Variants in NRXN2 observed in about 807,000 individuals in gnomAD.
The protein encoded by NRXN2 is neurexin 2, also known as neurexin-2-beta.
A neutral mutation model predicts 128.8 loss-of-function variants in NRXN2; 29 were observed. The observed-to-expected ratio is 0.23, with a 90% CI of 0.17 to 0.31. NRXN2 has a LOEUF of 0.31. NRXN2 is among the 10% of genes least tolerant of loss of function. The probability of loss-of-function intolerance (pLI) is 1.00; values close to 1 mark genes in which losing one functional copy is unlikely to be tolerated. For missense variants in NRXN2, 1,881 were observed against 2,452.6 expected (o/e 0.77, Z 4.92); for synonymous variants, 1,098 against 1,075.2 (o/e 1.02, Z -0.41).
rs188486646 is a variant in NRXN2, at chr11:64,645,933, G to T, written c.3403+2286C>A. Among the ~76,000 whole-genome samples the T allele has an allele frequency of 5.9e-3, 891 of 152,282 alleles. 3 individuals carry two copies. The highest frequency in any genetic ancestry group is 9.5e-3 in the Non-Finnish European group (647 of 68,018). Reference sequence around the variant, plus strand: ...CGGGTGAAGGCAGAGCTAACTGAACGGGTCTCTCTGCTGGGTTCCTGCCTG... The same window carrying T: ...CGGGTGAAGGCAGAGCTAACTGAACTGGTCTCTCTGCTGGGTTCCTGCCTG... On this transcript the variant is annotated intron_variant, in intron 17 of 22. Transcript: ENST00000265459.
intron 21 of NRXN2, 75 bp from the exon 22 acceptor site, chr11:64,620,447 T>C: frequency 2.5e-6 from 3 of 1,186,768 alleles, no homozygotes; most frequent in Non-Finnish European, 3.7e-6. Flanking sequence ...CCACTTGAGG[T>C]GCACGGTGGC....
rs767815158 is a variant in NRXN2 at position 64,607,738 on chromosome 11, C to T, written c.4597G>A (p.Ala1533Thr). Reference sequence around the variant, plus strand: ...TCTGTCCTGAGGTTGGGCCGGGGAGCGGGTTTGCGGGGTGACAGGAGGGTG... The same window carrying T: ...TCTGTCCTGAGGTTGGGCCGGGGAGTGGGTTTGCGGGGTGACAGGAGGGTG... ...RTTLLSPRKP[A>T]PRPNLRTDGA... The change falls in exon 23 of 23, where the codon GCT becomes ACT. Residue 1533 changes from alanine to threonine, a missense_variant. Ala to Thr is a moderately conservative substitution (Grantham distance 58). Transcript: ENST00000265459. 3.8e-6 allele frequency: 6 copies of T among 1,572,468 alleles called. No homozygotes were observed. The highest frequency in any genetic ancestry group is 1.7e-4 in the Middle Eastern group (1 of 6,012).
In NRXN2 at chr11:64,713,103, G is replaced by T; in HGVS notation, c.597C>A (p.Gly199=). 2 of 1,335,608 alleles carry T rather than the reference G, an allele frequency of 1.5e-6. No individual in the cohort carries two copies. Among genetic ancestry groups the T allele is most frequent in the South Asian group, 2.0e-5 (1 of 49,898 alleles). 82.7% of individuals were successfully genotyped at this position (1,335,608 alleles called of 1,614,324 possible). A position where few individuals can be genotyped will look rare whatever the true frequency, so the allele number is the denominator to read the frequency against. ...PALLGSQGLR[G]ATADPLCAPA... is the part of the protein sequence containing the mutation. Reference sequence around the variant, plus strand: ...GCGCGCACAGCGGGTCGGCGGTGGCGCCGCGCAGGCCCTGGCTGCCCAGCA... The same window carrying T: ...GCGCGCACAGCGGGTCGGCGGTGGCTCCGCGCAGGCCCTGGCTGCCCAGCA... Residue 199 remains glycine (G), a synonymous_variant, in exon 2 of 23, where the codon GGC becomes GGA. Coordinates refer to ENST00000265459, the MANE Select transcript of NRXN2 (RefSeq NM_015080.4).
At chr11:64,636,787 A>G (rs2044783822) in intron 17 of NRXN2, among the ~76,000 whole-genome samples, 1 of 151,844 alleles carries the variant, frequency 6.6e-6, no homozygotes, top group Admixed American at 6.5e-5. Flanking sequence ...AGGCCTTGCC[A>G]GCAGCCAAGG....
chr11:64,653,604 G>T, intron 12 of NRXN2, 92 bp downstream of exon 12: 1 of 1,272,450 alleles, frequency 7.9e-7, no homozygotes, highest in East Asian at 2.4e-5. Flanking sequence ...AGCAATCACG[G>T]CTTCTCTTCC....
chr11:64,705,488 C>G (rs907282840), intron 2 of NRXN2, among the ~76,000 whole-genome samples: 1 of 151,914 alleles, frequency 6.6e-6, no homozygotes, highest in Non-Finnish European at 1.5e-5. Flanking sequence ...GTTCCAATTG[C>G]TCCTTTGCTG....
intron 6 of NRXN2, among the ~76,000 whole-genome samples, chr11:64,682,790 TA>T (rs1391500498): frequency 6.6e-6 from 1 of 151,924 alleles, no homozygotes; most frequent in Non-Finnish European, 1.5e-5. Context: ...TCCTCAGAGG[TA>T]ATAATTCCTG....
intron 2 of NRXN2, among the ~76,000 whole-genome samples, chr11:64,699,751 G>C (rs531215081): frequency 6.6e-6 from 1 of 152,170 alleles, no homozygotes; most frequent in Admixed American, 6.5e-5. Context: ...TTTCATTTAT[G>C]GGGGGAGCTG....
In NRXN2 at chr11:64,648,218, C is replaced by T. The variant is rs371554113; in HGVS notation, c.3403+1G>A. ...TGCCCCCAGCCCTCCCAGGCACTCA[C>T]GATCATTGCAGACAGGGCCTCCATA... On this transcript the variant is annotated splice_donor_variant, in intron 17 of 22. Coordinates refer to ENST00000265459, the MANE Select transcript of NRXN2 (RefSeq NM_015080.4). LOFTEE classifies it high-confidence loss of function. The surrounding 1 kb of genome is among the most constrained non-coding windows in gnomAD (Gnocchi z 4.1). 5 of 1,614,048 alleles carry T rather than the reference C, an allele frequency of 3.1e-6. No individual in the cohort carries two copies. The highest frequency in any genetic ancestry group is 4.2e-6 in the Non-Finnish European group (5 of 1,180,032).
intron 17 of NRXN2, among the ~76,000 whole-genome samples, chr11:64,637,642 G>C (rs576439843): frequency 9.9e-5 from 15 of 152,200 alleles, no homozygotes; most frequent in African/African-American, 3.1e-4. Context: ...TCACCTTCCT[G>C]ATCAGAGGCT....
rs370459967 is a variant in NRXN2, at chr11:64,663,402, A to C, written c.1799-2263T>G. On this transcript the variant is annotated intron_variant, in intron 9 of 22. Coordinates refer to ENST00000265459, the MANE Select transcript of NRXN2 (RefSeq NM_015080.4). ...AAAAAAAAAAAAAAACCTCACCTGA[A>C]CCAGAGCTGTGCCCTCTTTTAGTAA... Among the ~76,000 whole-genome samples, 10 of 151,906 alleles carry C rather than the reference A, an allele frequency of 6.6e-5. No homozygotes were observed. In the South Asian group the frequency reaches 2.1e-3, roughly 32 times the overall value.
chr11:64,685,146 C>G (rs369590360), intron 6 of NRXN2, among the ~76,000 whole-genome samples: 1 of 152,130 alleles, frequency 6.6e-6, no homozygotes, highest in Non-Finnish European at 1.5e-5. Flanking sequence ...ACATCCTGCC[C>G]GCACACATTA....
At position 64,651,452 on chromosome 11, in the gene NRXN2, A is replaced by G. The variant is rs373644043; in HGVS notation, c.2721T>C (p.Asn907=). 6.2e-7 allele frequency: 1 copy of G among 1,614,064 alleles called. No individual in the cohort carries two copies. Among genetic ancestry groups the G allele is most frequent in the Non-Finnish European group, 8.5e-7 (1 of 1,180,020 alleles). Residue 907 remains asparagine, a synonymous_variant, in exon 14 of 23, where the codon AAT becomes AAC. Transcript: ENST00000265459. This position sits in a 1 kb window ranked among gnomAD's most constrained non-coding sequence, Gnocchi z 5.9. ...KDGDITYCEL[N]ARFGLRAIVA... ...CGATGGCACGCAGGCCAAAGCGAGC[A>G]TTGAGCTCACAGTAGGTGATGTCAC...
chr11:64,692,965 C>A lies in NRXN2; in HGVS notation c.749-89G>T. 2.7e-6 allele frequency: 3 copies of A among 1,127,612 alleles called. No homozygotes were observed. In the South Asian group the frequency reaches 4.1e-5, roughly 15 times the overall value. The allele number at this position is 1,127,612 out of a possible 1,614,324, so 69.9% of individuals were successfully genotyped here. A position where few individuals can be genotyped will look rare whatever the true frequency, so the allele number is the denominator to read the frequency against. ...GGAAAGAAACAAAGAAAACACGAGTCATCAAAATCAGCCAGAGAGAAGGGA... is the reference window on the plus strand; with the variant it reads ...GGAAAGAAACAAAGAAAACACGAGTAATCAAAATCAGCCAGAGAGAAGGGA... On this transcript the variant is annotated intron_variant, in intron 3 of 22. Coordinates refer to ENST00000265459, the MANE Select transcript of NRXN2 (RefSeq NM_015080.4).
intron 5 of NRXN2, among the ~76,000 whole-genome samples, chr11:64,686,454 G>C (rs1356853573): frequency 6.6e-6 from 1 of 152,198 alleles, no homozygotes; most frequent in Non-Finnish European, 1.5e-5. Context: ...GACAGTTTCA[G>C]CCTCACCATA....
chr11:64,639,970 G>A (rs2045416752), intron 17 of NRXN2, among the ~76,000 whole-genome samples: 1 of 152,134 alleles, frequency 6.6e-6, no homozygotes, highest in Admixed American at 6.5e-5. Context: ...CGGGAGCAAA[G>A]GTGGGGTTCA....
At chr11:64,695,498 A>G (rs2054381199) in intron 3 of NRXN2, among the ~76,000 whole-genome samples, 4 of 152,076 alleles carry the variant, frequency 2.6e-5, no homozygotes, top group Non-Finnish European at 5.9e-5. Context: ...TCCAGAGCAC[A>G]GTGCCACAGA....
Position 64,651,170 on chromosome 11 carries a change from C to T in NRXN2, c.2918+85G>A. 2.5e-6 allele frequency: 4 copies of T among 1,579,096 alleles called. No homozygotes were observed. The highest frequency in any genetic ancestry group is 2.2e-5 in the East Asian group (1 of 44,758). ...TGTGATCTGGGGGGATTGGACACCT[C>T]GGCCAGTAGCCAGGAGAGCTGTATG... is the stretch of plus-strand genomic sequence containing the variant. On this transcript the variant is annotated intron_variant, in intron 14 of 22. Transcript: ENST00000265459. This position sits in a 1 kb window ranked among gnomAD's most constrained non-coding sequence, Gnocchi z 5.9.
At chr11:64,711,330 G>C (rs2056862925) in intron 2 of NRXN2, among the ~76,000 whole-genome samples, 1 of 152,242 alleles carries the variant, frequency 6.6e-6, no homozygotes, top group Non-Finnish European at 1.5e-5. Context: ...CCAGGGGAGA[G>C]AACGTCAGGC....
Sources: gnomAD v4.1 joint callset for allele counts (sites outside exome capture counted in the v4.1 genomes callset) on GRCh38, gnomAD v4.1.1 for gene constraint, Gnocchi (gnomAD v3.1) non-coding constraint, MANE v1.5 for transcripts, NCBI Gene and HGNC (gene_info 2026-07-23, HGNC 2026-07-21) for gene names.